EIF3A: variants seen among roughly 807,000 people sequenced by gnomAD.
EIF3A encodes the protein EIF3, p180 subunit.
In EIF3A, 21 loss-of-function variants were observed where a neutral mutation model predicts 186.6. The ratio of observed to expected loss-of-function variants is 0.11; its 90% CI spans 0.08 to 0.16. The LOEUF (loss-of-function observed/expected upper bound fraction) is 0.16. Ranked by LOEUF, EIF3A falls within the 10% of genes least tolerant of loss-of-function variation. The pLI is 1.00. For missense variants in EIF3A, 1,306 were observed against 1,796.3 expected, an observed-to-expected ratio of 0.73 and a Z score of 4.93; for synonymous variants, 563 against 584.3, an observed-to-expected ratio of 0.96 and a Z score of 0.52.
At position 119,042,753 on chromosome 10, in the gene EIF3A, C is replaced by T; in HGVS notation, c.2767G>A (p.Gly923Arg). ...CTATGAGACCTGTCCTCATCTCGCCCTTCTCCACGTCTCCACTCCCTACAC... is the reference window on the plus strand; with the variant it reads ...CTATGAGACCTGTCCTCATCTCGCCTTTCTCCACGTCTCCACTCCCTACAC... The part of the protein sequence containing the change: ...PPEKEWRRGE[G>R]RDEDRSHRRD... The change falls in exon 19 of 22, where the codon GGG (glycine) becomes AGG (arginine). Residue 923 changes from glycine to arginine, a missense_variant. Around this residue, in one of 8 missense-constraint regions of EIF3A, gnomAD observed 410 missense variants for 473.5 expected, o/e 0.87. Transcript: ENST00000369144. The surrounding 1 kb of genome is among the most constrained non-coding windows in gnomAD (Gnocchi z 7.8). 1 of 1,607,018 alleles carries T rather than the reference C, an allele frequency of 6.2e-7. No homozygotes were observed. Among genetic ancestry groups the T allele is most frequent in the South Asian group, 1.1e-5 (1 of 90,986 alleles).
intron 9 of EIF3A, chr10:119,060,046 T>C: frequency 1.9e-6 from 1 of 519,492 alleles, no homozygotes; most frequent in South Asian, 1.4e-5. Context: ...TTACTATTTA[T>C]AGTTATACTG....
At chr10:119,052,610 A>G (rs1848374654) in intron 14 of EIF3A, among the ~76,000 whole-genome samples, 1 of 152,036 alleles carries the variant, frequency 6.6e-6, no homozygotes, top group Non-Finnish European at 1.5e-5. Flanking sequence ...TCCTGGACTC[A>G]TGCAATCTGC....
rs575363001 is a variant in EIF3A, at chr10:119,048,684, T to C, written c.2658+1117A>G. ...AAATTCACGATTCTTTTTTTTTTTTTCCCCTGAGACAGAGTCTTGCTCTGT... is the reference window on the plus strand; with the variant it reads ...AAATTCACGATTCTTTTTTTTTTTTCCCCCTGAGACAGAGTCTTGCTCTGT... On this transcript the variant is annotated intron_variant, in intron 17 of 21. Coordinates refer to ENST00000369144, the MANE Select transcript of EIF3A (RefSeq NM_003750.4). Among the ~76,000 whole-genome samples the C allele has an allele frequency of 3.4e-3, 518 of 150,672 alleles. 3 individuals are homozygous for C. The highest frequency in any genetic ancestry group is 0.01 in the Middle Eastern group (3 of 292).
Position 119,035,889 on chromosome 10 carries a change from T to C in EIF3A, c.*150A>G, listed in dbSNP as rs1281122637. 1 of 634,114 alleles carries C rather than the reference T, an allele frequency of 1.6e-6. No homozygotes were observed. Among genetic ancestry groups the C allele is most frequent in the Admixed American group, 2.8e-5 (1 of 36,196 alleles). The allele number at this position is 634,114 out of a possible 1,614,324, so 39.3% of individuals were successfully genotyped here. On this transcript the variant is annotated 3_prime_UTR_variant, in exon 22 of 22. Transcript: ENST00000369144. ...TGGATATGGTGCATGATCAATCTAT[T>C]ATATAGGATTAATACAAGTTCATGC...
In EIF3A at chr10:119,042,355, A is replaced by G. The variant is rs1299224859; in HGVS notation, c.3165T>C (p.Asp1055=). ...DRGPRRGGAD[D]ERSSWRNADD... is the part of the protein sequence containing the mutation. ...CAGCATTACGCCAGGATGATCGCTC[A>G]TCATCAGCGCCTCCTCGCCTCGGCC... The change falls in exon 19 of 22, where the codon GAT becomes GAC. Residue 1055 remains aspartate (D), a synonymous_variant. Transcript: ENST00000369144. This position sits in a 1 kb window ranked among gnomAD's most constrained non-coding sequence, Gnocchi z 7.8. 7.4e-6 allele frequency: 12 copies of G among 1,613,054 alleles called. No individual in the cohort carries two copies. Among genetic ancestry groups the G allele is most frequent in the Non-Finnish European group, 1.0e-5 (12 of 1,179,752 alleles).
chr10:119,074,243 A>G (rs949139629), intron 1 of EIF3A, among the ~76,000 whole-genome samples: 1 of 152,132 alleles, frequency 6.6e-6, no homozygotes, highest in African/African-American at 2.4e-5. Flanking sequence ...AGGTGGGCCA[A>G]TCACTTGAGG....
intron 20 of EIF3A, among the ~76,000 whole-genome samples, chr10:119,037,939 G>A (rs534485479): frequency 8.6e-5 from 9 of 104,954 alleles, no homozygotes; most frequent in East Asian, 6.1e-4. Flanking sequence ...TTTTTGAGAC[G>A]GAGTTTTGCT....
Position 119,073,812 on chromosome 10 carries a change from C to A in EIF3A, c.175G>T (p.Val59Leu). ...PIMLKYLELCVDLRKSHLAKE... is the reference protein window; with the variant it reads ...PIMLKYLELCLDLRKSHLAKE... ...GCCAAGTGGCTCTTGCGAAGATCCA[C>A]GCAAAGTTCCAAGTATTTCAACATA... The change falls in exon 2 of 22, where the codon GTG becomes TTG. Residue 59 changes from valine to leucine, a missense_variant. Transcript: ENST00000369144. 1 of 1,613,862 alleles carries A rather than the reference C, an allele frequency of 6.2e-7. No homozygotes were observed. Among genetic ancestry groups the A allele is most frequent in the Non-Finnish European group, 8.5e-7 (1 of 1,179,912 alleles).
chr10:119,079,231 T>C (rs1844223982), intron 1 of EIF3A, among the ~76,000 whole-genome samples: 1 of 152,218 alleles, frequency 6.6e-6, no homozygotes, highest in African/African-American at 2.4e-5. Flanking sequence ...ATCTATGTTG[T>C]AGTTTCAATA....
chr10:119,054,276 T>A (rs573118721), intron 14 of EIF3A, among the ~76,000 whole-genome samples: 2 of 152,172 alleles, frequency 1.3e-5, no homozygotes, highest in African/African-American at 4.8e-5. Context: ...TTGAGAGTTA[T>A]AGCCTTGCTC....
At chr10:119,053,164 T>C (rs534253151) in intron 14 of EIF3A, among the ~76,000 whole-genome samples, 43 of 152,306 alleles carry the variant, frequency 2.8e-4, no homozygotes, top group Admixed American at 2.0e-4. Flanking sequence ...AACCATGCTA[T>C]TAACAGATAT....
chr10:119,052,819 C>T (rs567492824), intron 14 of EIF3A, among the ~76,000 whole-genome samples: 4 of 152,278 alleles, frequency 2.6e-5, no homozygotes, highest in East Asian at 1.9e-4. Context: ...TTTTGACCTC[C>T]TCCCACGAAT....
At chr10:119,036,382 A>G in intron 21 of EIF3A, 114 bp from the exon 22 acceptor site, 1 of 670,458 alleles carries the variant, frequency 1.5e-6, no homozygotes, top group East Asian at 2.7e-5. Context: ...TGTTAAATAC[A>G]GAAATTCTGT....
chr10:119,046,371 A>C (rs1249184688), intron 17 of EIF3A, among the ~76,000 whole-genome samples: 2 of 152,226 alleles, frequency 1.3e-5, no homozygotes, highest in Admixed American at 6.5e-5. Flanking sequence ...GAGACACACA[A>C]AGACATTCTG....
intron 7 of EIF3A, among the ~76,000 whole-genome samples, chr10:119,063,341 G>C (rs1843920738): frequency 6.6e-6 from 1 of 152,252 alleles, no homozygotes; most frequent in Admixed American, 6.5e-5. Context: ...AAGTGAATCT[G>C]CATTACTATG....
At position 119,035,991 on chromosome 10, in the gene EIF3A, G is replaced by T; in HGVS notation, c.*48C>A. 7.2e-7 allele frequency: 1 copy of T among 1,380,630 alleles called. No individual in the cohort carries two copies. The allele number at this position is 1,380,630 out of a possible 1,614,324, so 85.5% of individuals were successfully genotyped here. A position where few individuals can be genotyped will look rare whatever the true frequency, so the allele number is the denominator to read the frequency against. On this transcript the variant is annotated 3_prime_UTR_variant, in exon 22 of 22. Coordinates refer to ENST00000369144, the MANE Select transcript of EIF3A (RefSeq NM_003750.4). Reference sequence around the variant, plus strand: ...AGCACAAGTATAATAATCCTTGAATGTGATCAAACCTATTTAAGACACCAG... The same window carrying T: ...AGCACAAGTATAATAATCCTTGAATTTGATCAAACCTATTTAAGACACCAG...
At chr10:119,049,165 A>T (rs1369050895) in intron 17 of EIF3A, among the ~76,000 whole-genome samples, 1 of 152,134 alleles carries the variant, frequency 6.6e-6, no homozygotes, top group African/African-American at 2.4e-5. Flanking sequence ...CATTAAAAAG[A>T]GCGGTGAAAA....
rs201904104 is a variant in EIF3A at position 119,049,822 on chromosome 10, G to T, written c.2637C>A (p.Gly879=). 1.9e-6 allele frequency: 3 copies of T among 1,613,534 alleles called. No individual in the cohort carries two copies. The East Asian group carries it at 6.7e-5, about 36-fold the overall frequency. ...TCACCTTTCTAGAAAGGGAACTATC[G>T]CCAAGTCTTCTCTCTTCCTCTCTAC... ...ERRREEERRL[G]DSSLSRKDSR... Residue 879 remains glycine (G), a synonymous_variant, in exon 17 of 22, where the codon GGC becomes GGA. Transcript: ENST00000369144.
intron 14 of EIF3A, among the ~76,000 whole-genome samples, chr10:119,055,367 C>A (rs1848411366): frequency 6.6e-6 from 1 of 151,918 alleles, no homozygotes; most frequent in African/African-American, 2.4e-5. Flanking sequence ...TTCGTGGCAC[C>A]CCAAAATAAT....
Sources: gnomAD v4.1 joint callset for allele counts (sites outside exome capture counted in the v4.1 genomes callset) on GRCh38, gnomAD v4.1.1 for gene constraint, gnomAD v4.1.1 regional missense constraint, Gnocchi (gnomAD v3.1) non-coding constraint, MANE v1.5 for transcripts, NCBI Gene and HGNC (gene_info 2026-07-23, HGNC 2026-07-21) for gene names.